The following PCDHA11 variants were observed in gnomAD, a reference collection of about 807,000 sequenced individuals.
PCDHA11 encodes the protein protocadherin alpha 11, also known as protocadherin alpha-11.
Under a neutral mutation model 70.3 loss-of-function variants are expected in PCDHA11, and 61 were observed. The observed-to-expected ratio is 0.87, with a 90% CI of 0.71 to 1.07. The LOEUF is 1.07. PCDHA11 is among the 50% of genes least tolerant of loss of function. The probability of loss-of-function intolerance (pLI) is 0.00; values close to 1 mark genes in which losing one functional copy is unlikely to be tolerated. For missense variants in PCDHA11, 1,324 were observed against 1,237.5 expected, an observed-to-expected ratio of 1.07 and a Z score of -1.05; for synonymous variants, 633 against 555.1, an observed-to-expected ratio of 1.14 and a Z score of -1.97.
intron 1 of PCDHA11, among the ~76,000 whole-genome samples, chr5:140,919,229 C>T (rs1163633473): frequency 1.1e-4 from 17 of 152,144 alleles, no homozygotes; most frequent in African/African-American, 3.9e-4. Flanking sequence ...TTTCTAGTAA[C>T]ACTTTTTGTC....
chr5:140,988,751 T>C (rs1433769306), intron 3 of PCDHA11, among the ~76,000 whole-genome samples: 2 of 152,198 alleles, frequency 1.3e-5, no homozygotes, highest in Non-Finnish European at 2.9e-5. Flanking sequence ...ATTGGTGGCC[T>C]GGGCAGAATA....
intron 1 of PCDHA11, among the ~76,000 whole-genome samples, chr5:140,897,000 T>C (rs2065833068): frequency 6.6e-6 from 1 of 152,180 alleles, no homozygotes; most frequent in Non-Finnish European, 1.5e-5. Context: ...CTTTTAGTTA[T>C]TTTTAAATAT....
chr5:140,965,275 C>T (rs1280046381), intron 1 of PCDHA11, among the ~76,000 whole-genome samples: 7 of 152,158 alleles, frequency 4.6e-5, no homozygotes, highest in Non-Finnish European at 1.0e-4. Context: ...GGCAATGACA[C>T]AGCATGGAAA....
Position 140,986,801 on chromosome 5 carries a change from T to C in PCDHA11, c.2539+4238T>C, listed in dbSNP as rs1381514203. ...CGGAAGCCACTAAGGCAGTGAGTCT[T>C]AGTTAGAGAACTTTGGTTTAGACAA... On this transcript the variant is annotated intron_variant, in intron 3 of 3. Coordinates refer to ENST00000398640, the MANE Select transcript of PCDHA11 (RefSeq NM_018902.5). 2.0e-5 allele frequency among the ~76,000 whole-genome samples: 3 copies of C among 152,144 alleles called. No homozygotes were observed. The East Asian group carries it at 5.8e-4, about 29-fold the overall frequency.
chr5:140,928,939 T>C (rs367874769), intron 1 of PCDHA11: 1 of 1,614,130 alleles, frequency 6.2e-7, no homozygotes, highest in Non-Finnish European at 8.5e-7. Context: ...CCAGAACTTG[T>C]ATTTAGTAAT....
rs781977409 is a variant in PCDHA11 at position 140,871,036 on chromosome 5, C to G, written c.1933C>G (p.Arg645Gly). The change falls in exon 1 of 4, where the codon CGA (arginine) becomes GGA (glycine). Residue 645 changes from arginine (R) to glycine (G), a missense_variant. Arg to Gly is a moderately radical substitution (Grantham distance 125). Transcript: ENST00000398640. Reference sequence around the variant, plus strand: ...GGACGAGGCAGACTCGCCGCGCCACCGACTTCTAGTACTGGTGAAGGATCA... The same window carrying G: ...GGACGAGGCAGACTCGCCGCGCCACGGACTTCTAGTACTGGTGAAGGATCA... The part of the protein sequence containing the change: ...ALDEADSPRH[R>G]LLVLVKDHGE... The G allele has an allele frequency of 1.9e-6, 3 of 1,613,274 alleles. No individual in the cohort carries two copies. The highest frequency in any genetic ancestry group is 4.5e-5 in the East Asian group (2 of 44,870).
chr5:140,907,479 G>A (rs782466276), intron 1 of PCDHA11, among the ~76,000 whole-genome samples: 1 of 152,216 alleles, frequency 6.6e-6, no homozygotes, highest in Non-Finnish European at 1.5e-5. Context: ...TGCAGGATAG[G>A]CAAACCCATA....
At position 140,942,409 on chromosome 5, in the gene PCDHA11, TA is replaced by T. The variant is rs78736997; in HGVS notation, c.2392-36528del. Among the ~76,000 whole-genome samples, 464 of 143,336 alleles carry T rather than the reference TA, an allele frequency of 3.2e-3. 2 individuals are homozygous for T. Among genetic ancestry groups the T allele is most frequent in the African/African-American group, 7.7e-3 (304 of 39,312 alleles). The allele number at this position is 143,336 out of a possible 152,430, so 94.0% of individuals were successfully genotyped here. Reference sequence around the variant, plus strand: ...CCTGGGCGACAGATGAGACTCTGTTTAAAAAAAAAAAAGATATCTAACAATA... The same window carrying T: ...CCTGGGCGACAGATGAGACTCTGTTTAAAAAAAAAAAGATATCTAACAATA... On this transcript the variant is annotated intron_variant, in intron 1 of 3. Transcript: ENST00000398640.
At chr5:140,966,899 C>T in intron 1 of PCDHA11, 2 of 1,598,372 alleles carry the variant, frequency 1.3e-6, no homozygotes, top group African/African-American at 1.3e-5. Context: ...CTCCCAGCTG[C>T]GATACTCTGT....
Position 140,883,339 on chromosome 5 carries a change from C to A in PCDHA11, c.2391+11845C>A, listed in dbSNP as rs142984869. 95 of 1,614,172 alleles carry A rather than the reference C, an allele frequency of 5.9e-5. No individual in the cohort carries two copies. The African/African-American group carries it at 1.1e-3, about 19-fold the overall frequency. ...AGGTTACCATCACTTCTTTGTCACTCCCCATCAGAGAAGACACTCAGCCTA... is the reference window on the plus strand; with the variant it reads ...AGGTTACCATCACTTCTTTGTCACTACCCATCAGAGAAGACACTCAGCCTA... On this transcript the variant is annotated intron_variant, in intron 1 of 3. Coordinates refer to ENST00000398640, the MANE Select transcript of PCDHA11 (RefSeq NM_018902.5).
At chr5:140,883,040 G>A (rs994931084) in intron 1 of PCDHA11, 1 of 1,614,062 alleles carries the variant, frequency 6.2e-7, no homozygotes, top group Non-Finnish European at 8.5e-7. Flanking sequence ...CGCCTTCAAT[G>A]GAACATTAGT....
chr5:140,883,997 G>A, intron 1 of PCDHA11: 1 of 1,613,014 alleles, frequency 6.2e-7, no homozygotes, highest in Non-Finnish European at 8.5e-7. Context: ...GGGAGGCACA[G>A]TGAGCGAGCT....
rs181856615 is a variant in PCDHA11 at position 140,870,462 on chromosome 5, G to A, written c.1359G>A (p.Ala453=). ...EVADVNDNAP[A]FAQPEYTVFV... ...CCGACGTGAACGACAATGCGCCTGC[G>A]TTCGCACAGCCCGAGTACACCGTGT... The change falls in exon 1 of 4, where the codon GCG becomes GCA. Residue 453 remains alanine, a synonymous_variant. Coordinates refer to ENST00000398640, the MANE Select transcript of PCDHA11 (RefSeq NM_018902.5). 1,040 of 1,614,196 alleles carry A rather than the reference G, an allele frequency of 6.4e-4. No individual in the cohort carries two copies. The highest frequency in any genetic ancestry group is 8.0e-4 in the Non-Finnish European group (946 of 1,180,046).
At chr5:140,894,656 C>T (rs2064591261) in intron 1 of PCDHA11, among the ~76,000 whole-genome samples, 2 of 151,616 alleles carry the variant, frequency 1.3e-5, no homozygotes, top group Non-Finnish European at 2.9e-5. Flanking sequence ...CTCTCTAATT[C>T]TGATTTGTGT....
chr5:140,897,629 T>A (rs2066228656), intron 1 of PCDHA11, among the ~76,000 whole-genome samples: 1 of 152,116 alleles, frequency 6.6e-6, no homozygotes, highest in Non-Finnish European at 1.5e-5. Context: ...TACTATTGTG[T>A]ATAGTGCCAC....
Position 140,974,586 on chromosome 5 carries a change from A to G in PCDHA11, c.2392-4363A>G, listed in dbSNP as rs150396044. Among the ~76,000 whole-genome samples, 599 of 152,220 alleles carry G rather than the reference A, an allele frequency of 3.9e-3. 3 individuals carry two copies. Among genetic ancestry groups the G allele is most frequent in the African/African-American group, 0.014 (565 of 41,540 alleles). On this transcript the variant is annotated intron_variant, in intron 1 of 3. Transcript: ENST00000398640. The stretch of plus-strand genomic sequence containing the variant: ...GAGTGCAATGGCATGATCTTGGCTC[A>G]CTGCAACCTCTGCCTCCAGGGTTCA...
intron 1 of PCDHA11, among the ~76,000 whole-genome samples, chr5:140,899,245 G>A (rs2067216472): frequency 6.6e-6 from 1 of 152,128 alleles, no homozygotes; most frequent in Non-Finnish European, 1.5e-5. Context: ...GGAGTGGTGA[G>A]AGAGGGCATC....
chr5:140,882,189 T>C, intron 1 of PCDHA11: 2 of 1,519,304 alleles, frequency 1.3e-6, no homozygotes, highest in Admixed American at 2.2e-5. Flanking sequence ...TAGGAAGCCA[T>C]AAAAATTGGG....
chr5:140,972,832 T>G (rs1209140344), intron 1 of PCDHA11, among the ~76,000 whole-genome samples: 9 of 151,882 alleles, frequency 5.9e-5, no homozygotes. Flanking sequence ...CCTGGCTAAT[T>G]TTTGTATTTT....
Sources: allele counts gnomAD v4.1 joint callset (sites outside exome capture counted in the v4.1 genomes callset), GRCh38; gene constraint gnomAD v4.1.1; transcripts MANE v1.5; gene names NCBI Gene and HGNC (gene_info 2026-07-23, HGNC 2026-07-21).